Variants in EPC2 observed in about 807,000 individuals in gnomAD.
The protein encoded by EPC2 is enhancer of polycomb 2.
EPC2 carries 14 observed loss-of-function variants against 92.1 expected under a neutral mutation model. The ratio of observed to expected loss-of-function variants is 0.15; its 90% CI spans 0.10 to 0.24. The LOEUF (loss-of-function observed/expected upper bound fraction) is 0.24. Ranked by LOEUF, EPC2 falls within the 10% of genes least tolerant of loss-of-function variation. EPC2 has a pLI of 1.00. For missense variants in EPC2, 755 were observed against 971.5 expected (o/e 0.78, Z 2.96); for synonymous variants, 340 against 334.7 (o/e 1.02, Z -0.17).
At chr2:148,668,769 TCTCA>T (rs1681099659) in intron 1 of EPC2, among the ~76,000 whole-genome samples, 1 of 152,196 alleles carries the variant, frequency 6.6e-6, no homozygotes, top group Non-Finnish European at 1.5e-5. Flanking sequence ...ATTTGTGTCT[TCTCA>T]CTTTTTTTCC....
At chr2:148,753,187 T>C (rs2105415872) in intron 3 of EPC2, among the ~76,000 whole-genome samples, 1 of 152,332 alleles carries the variant, frequency 6.6e-6, no homozygotes, top group Middle Eastern at 3.4e-3. Context: ...GTGTCAGCAT[T>C]ATGCTGGCTG....
At chr2:148,654,969 A>C (rs1293285535) in intron 1 of EPC2, among the ~76,000 whole-genome samples, 1 of 152,162 alleles carries the variant, frequency 6.6e-6, no homozygotes, top group East Asian at 1.9e-4. Context: ...TGGGTGTTGT[A>C]CACTAGAGAA....
intron 1 of EPC2, among the ~76,000 whole-genome samples, chr2:148,658,692 T>C (rs1315250467): frequency 6.6e-6 from 1 of 151,566 alleles, no homozygotes; most frequent in Non-Finnish European, 1.5e-5. Flanking sequence ...AGCTACTAGA[T>C]TGATTTCATG....
chr2:148,703,839 G>A (rs1384777442), intron 2 of EPC2, among the ~76,000 whole-genome samples: 1 of 152,160 alleles, frequency 6.6e-6, no homozygotes, highest in African/African-American at 2.4e-5. Flanking sequence ...TAAAAAATCA[G>A]TTTTAAAAAC....
At chr2:148,762,040 T>C (rs934106202) in intron 5 of EPC2, 110 bp downstream of exon 5, 20 of 823,968 alleles carry the variant, frequency 2.4e-5, no homozygotes, top group Admixed American at 3.8e-5. Flanking sequence ...ACAGTTGATA[T>C]TGATTCTGTA....
intron 5 of EPC2, 54 bp from the exon 6 acceptor site, chr2:148,762,616 T>C: frequency 1.5e-6 from 2 of 1,342,820 alleles, no homozygotes; most frequent in Middle Eastern, 5.0e-4. Context: ...CTTATTTTCC[T>C]TCTTTATTGT....
chr2:148,762,460 T>C (rs956411716), intron 5 of EPC2, among the ~76,000 whole-genome samples: 2 of 152,108 alleles, frequency 1.3e-5, no homozygotes. Flanking sequence ...ATTTGTTTGC[T>C]GTGTACCTTA....
intron 2 of EPC2, among the ~76,000 whole-genome samples, chr2:148,736,136 CA>C (rs1189035205): frequency 6.6e-6 from 1 of 152,032 alleles, no homozygotes; most frequent in African/African-American, 2.4e-5. Flanking sequence ...GCTGACATCA[CA>C]AAAGAAGAGA....
chr2:148,762,565 G>GA (rs1436199024), intron 5 of EPC2, 105 bp from the exon 6 acceptor site: 49 of 731,056 alleles, frequency 6.7e-5, no homozygotes, highest in East Asian at 6.4e-4. Context: ...TTGATTGTTA[G>GA]CCCTTTTTGA....
intron 2 of EPC2, among the ~76,000 whole-genome samples, chr2:148,742,211 GT>G (rs1266325941): frequency 6.6e-6 from 1 of 152,060 alleles, no homozygotes; most frequent in African/African-American, 2.4e-5. Flanking sequence ...TTCTGTGTAT[GT>G]TTATATGTAA....
At chr2:148,711,678 G>T (rs1442736169) in intron 2 of EPC2, among the ~76,000 whole-genome samples, 4 of 152,076 alleles carry the variant, frequency 2.6e-5, no homozygotes, top group African/African-American at 9.7e-5. Flanking sequence ...CTGATAGAAG[G>T]CTATTAAAAT....
intron 3 of EPC2, 67 bp from the exon 4 acceptor site, chr2:148,753,860 C>A: frequency 7.1e-7 from 1 of 1,402,580 alleles, no homozygotes; most frequent in Non-Finnish European, 9.7e-7. Flanking sequence ...TTTTCTACAG[C>A]CATAAGCTAA....
At chr2:148,733,917 G>A (rs1426618197) in intron 2 of EPC2, among the ~76,000 whole-genome samples, 1 of 152,128 alleles carries the variant, frequency 6.6e-6, no homozygotes, top group Non-Finnish European at 1.5e-5. Context: ...ACCATAGTTT[G>A]CCATTCCTTG....
intron 1 of EPC2, among the ~76,000 whole-genome samples, chr2:148,651,718 C>G (rs1175382220): frequency 6.6e-6 from 1 of 152,172 alleles, no homozygotes; most frequent in African/African-American, 2.4e-5. Context: ...TTGTTCATCA[C>G]TACTATCTCA....
intron 2 of EPC2, among the ~76,000 whole-genome samples, chr2:148,697,023 A>C (rs546226255): frequency 4.6e-5 from 7 of 152,252 alleles, no homozygotes; most frequent in Non-Finnish European, 8.8e-5. Context: ...TATGGTTTGC[A>C]TACATTTTTT....
chr2:148,712,077 T>C (rs1262931710), intron 2 of EPC2, among the ~76,000 whole-genome samples: 1 of 152,228 alleles, frequency 6.6e-6, no homozygotes, highest in Admixed American at 6.5e-5. Flanking sequence ...TGATTATTGA[T>C]TTCCTTGGAT....
intron 7 of EPC2, 133 bp downstream of exon 7, chr2:148,765,279 A>G: frequency 1.9e-6 from 1 of 519,762 alleles, no homozygotes; most frequent in Non-Finnish European, 3.2e-6. Context: ...ACATTTCCAC[A>G]GTATTTATGT....
At chr2:148,666,316 C>CT (rs535951999) in intron 1 of EPC2, among the ~76,000 whole-genome samples, 2 of 151,808 alleles carry the variant, frequency 1.3e-5, no homozygotes, top group African/African-American at 4.8e-5. Context: ...AATTTTTTGA[C>CT]TTTTTTTGTA....
chr2:148,714,756 TG>T (rs1174735981), intron 2 of EPC2, among the ~76,000 whole-genome samples: 1 of 151,114 alleles, frequency 6.6e-6, no homozygotes, highest in Admixed American at 6.6e-5. Flanking sequence ...TTAATCAGGT[TG>T]TTTTTTTCTT....
Sources: gnomAD v4.1 joint callset for allele counts (sites outside exome capture counted in the v4.1 genomes callset) on GRCh38, gnomAD v4.1.1 for gene constraint, MANE v1.5 for transcripts, NCBI Gene and HGNC (gene_info 2026-07-23, HGNC 2026-07-21) for gene names.